The following SYCP1 variants were observed in gnomAD, a reference collection of about 807,000 sequenced individuals.
SYCP1 encodes cancer/testis antigen 8.
Under a neutral mutation model 153.1 loss-of-function variants are expected in SYCP1, and 64 were observed. That is an observed-to-expected ratio of 0.42 (90% CI 0.34 to 0.51). The LOEUF is 0.51. Ranked by LOEUF, SYCP1 falls within the 20% of genes least tolerant of loss-of-function variation. The pLI is 0.06. For synonymous variants in SYCP1, 384 were observed against 341.8 expected (o/e 1.12, Z -1.36); for missense variants, 997 against 1,049.0 (o/e 0.95, Z 0.68).
chr1:114,883,650 A>G (rs1666101388), intron 12 of SYCP1, among the ~76,000 whole-genome samples: 1 of 152,108 alleles, frequency 6.6e-6, no homozygotes, highest in Non-Finnish European at 1.5e-5. Context: ...TGTGCTTATG[A>G]TTTTTCAGAG....
At chr1:114,912,214 G>A (rs1668228145) in intron 18 of SYCP1, among the ~76,000 whole-genome samples, 1 of 151,606 alleles carries the variant, frequency 6.6e-6, no homozygotes, top group Admixed American at 6.6e-5. Flanking sequence ...CTTTTTTAAG[G>A]GCCCTAGGTT....
chr1:114,887,773 A>G (rs952899420), intron 15 of SYCP1, 80 bp downstream of exon 15: 73 of 897,302 alleles, frequency 8.1e-5, no homozygotes, highest in Non-Finnish European at 1.1e-4. Context: ...GAAATAAAAT[A>G]TAATTTCCCC....
At chr1:114,882,905 T>C (rs996400340) in intron 12 of SYCP1, among the ~76,000 whole-genome samples, 3 of 152,206 alleles carry the variant, frequency 2.0e-5, no homozygotes, top group Non-Finnish European at 4.4e-5. Context: ...ATCAAAACTG[T>C]CCCGGCTTAT....
intron 16 of SYCP1, among the ~76,000 whole-genome samples, chr1:114,903,788 CGTA>C (rs1185469917): frequency 2.6e-5 from 4 of 151,978 alleles, no homozygotes; most frequent in African/African-American, 7.2e-5. Flanking sequence ...TCTGGGAGGT[CGTA>C]GTAGTAGTGA....
chr1:114,866,756 C>T (rs1282986559), intron 8 of SYCP1, among the ~76,000 whole-genome samples: 1 of 148,936 alleles, frequency 6.7e-6, no homozygotes, highest in African/African-American at 2.5e-5. Flanking sequence ...TGGATTGTAT[C>T]TAAAAAAAAA....
At chr1:114,867,188 A>T (rs2101372294) in intron 8 of SYCP1, among the ~76,000 whole-genome samples, 1 of 152,238 alleles carries the variant, frequency 6.6e-6, no homozygotes, top group East Asian at 1.9e-4. Context: ...GAATAGTATC[A>T]GTTCTCCAAC....
At chr1:114,894,400 T>A (rs987098332) in intron 15 of SYCP1, among the ~76,000 whole-genome samples, 41 of 152,316 alleles carry the variant, frequency 2.7e-4, no homozygotes, top group African/African-American at 9.9e-4. Context: ...ACACAATAAA[T>A]TTTTAGCTGA....
chr1:114,938,560 TAAATC>T (rs1670182829), intron 23 of SYCP1, among the ~76,000 whole-genome samples: 1 of 150,950 alleles, frequency 6.6e-6, no homozygotes, highest in South Asian at 2.1e-4. Context: ...AAAAAATAAA[TAAATC>T]AAAAATAAAT....
intron 9 of SYCP1, among the ~76,000 whole-genome samples, chr1:114,875,449 C>T (rs1448019600): frequency 8.6e-5 from 13 of 151,692 alleles, no homozygotes; most frequent in African/African-American, 1.2e-4. Flanking sequence ...TTAGTGGAGA[C>T]GGGGTTTCAC....
intron 15 of SYCP1, among the ~76,000 whole-genome samples, chr1:114,888,050 A>G (rs115067095): frequency 1.6e-3 from 237 of 152,180 alleles, no homozygotes; most frequent in African/African-American, 5.6e-3. Flanking sequence ...TGAATTTTGA[A>G]ATTTCATTGC....
chr1:114,943,380 T>C (rs1220349619), intron 23 of SYCP1, among the ~76,000 whole-genome samples: 1 of 151,904 alleles, frequency 6.6e-6, no homozygotes, highest in African/African-American at 2.4e-5. Flanking sequence ...TAAACAGTGT[T>C]ATATTCATAC....
intron 27 of SYCP1, among the ~76,000 whole-genome samples, chr1:114,954,527 T>A (rs1557830426): frequency 6.6e-6 from 1 of 150,632 alleles, no homozygotes; most frequent in Non-Finnish European, 1.5e-5. Flanking sequence ...TTTTATTTTA[T>A]CCTTTCCAGT....
At chr1:114,926,621 CA>C in intron 23 of SYCP1, 58 bp downstream of exon 23, 3 of 1,353,676 alleles carry the variant, frequency 2.2e-6, no homozygotes, top group Non-Finnish European at 2.0e-6. Context: ...AGAATTTAGA[CA>C]TTTTATTCCA....
In SYCP1 at chr1:114,876,087, G is replaced by T; in HGVS notation, c.676G>T (p.Glu226Ter). 6.3e-7 allele frequency: 1 copy of T among 1,581,884 alleles called. No homozygotes were observed. Among genetic ancestry groups the T allele is most frequent in the South Asian group, 1.2e-5 (1 of 84,984 alleles). ...ATTTCAGAAAATGATAACAGCTTTT[G>T]AGGAACTTCGTGTGCAAGCTGAGAA... ...NNIEKMITAF[E>*]ELRVQAENSR... Residue 226 changes from glutamate (E) to a stop codon, truncating the protein, a stop_gained, in exon 10 of 32, where the codon GAG (glutamate) becomes TAG (stop). Coordinates refer to ENST00000369522, the MANE Select transcript of SYCP1 (RefSeq NM_003176.4). LOFTEE classifies it high-confidence loss of function.
chr1:114,956,687 T>C (rs140435859), intron 27 of SYCP1, among the ~76,000 whole-genome samples: 1 of 152,288 alleles, frequency 6.6e-6, no homozygotes, highest in African/African-American at 2.4e-5. Context: ...CCTCCTTGGA[T>C]CTTTCCCAGG....
intron 30 of SYCP1, among the ~76,000 whole-genome samples, chr1:114,991,279 A>G (rs186273437): frequency 6.6e-6 from 1 of 152,042 alleles, no homozygotes; most frequent in African/African-American, 2.4e-5. Flanking sequence ...AAAGTTGAAG[A>G]AGGAACACCT....
At chr1:114,932,596 G>T (rs1669705510) in intron 23 of SYCP1, among the ~76,000 whole-genome samples, 1 of 152,202 alleles carries the variant, frequency 6.6e-6, no homozygotes, top group African/African-American at 2.4e-5. Flanking sequence ...GCTGAAGCAG[G>T]GTAGGGCATC....
chr1:114,954,869 G>A (rs919021519), intron 27 of SYCP1, among the ~76,000 whole-genome samples: 11 of 152,108 alleles, frequency 7.2e-5, no homozygotes, highest in South Asian at 2.1e-4. Flanking sequence ...ATGAGCCACC[G>A]CGCCTGGCCT....
In SYCP1 at chr1:114,972,564, A is replaced by T. The variant is rs575786671; in HGVS notation, c.2323-4993A>T. On this transcript the variant is annotated intron_variant, in intron 27 of 31. Transcript: ENST00000369522. ...TATAGCTATATACATCCCTCTTAGT[A>T]CTGCATTTGCTGTATCCTTTAGATT... Among the ~76,000 whole-genome samples, 8 of 152,176 alleles carry T rather than the reference A, an allele frequency of 5.3e-5. 1 individual carries two copies. In the East Asian group the frequency reaches 1.4e-3, roughly 26 times the overall value.
Sources: allele counts gnomAD v4.1 joint callset (sites outside exome capture counted in the v4.1 genomes callset), GRCh38; gene constraint gnomAD v4.1.1; transcripts MANE v1.5; gene names NCBI Gene and HGNC (gene_info 2026-07-23, HGNC 2026-07-21).